STK38L: variants seen among roughly 807,000 people sequenced by gnomAD.
STK38L encodes the protein serine/threonine kinase 38 like, also known as serine/threonine-protein kinase 38-like.
A neutral mutation model predicts 59.7 loss-of-function variants in STK38L; 28 were observed. That is an observed-to-expected ratio of 0.47 (90% CI 0.35 to 0.64). The LOEUF (loss-of-function observed/expected upper bound fraction) is 0.64, where lower values mean the gene tolerates loss of function less well. Ranked by LOEUF, STK38L falls within the 30% of genes least tolerant of loss-of-function variation. The pLI is 0.01. For synonymous variants in STK38L, 162 were observed against 176.8 expected (o/e 0.92, Z 0.66); for missense variants, 314 against 555.8 (o/e 0.56, Z 4.37).
chr12:27,299,187 TACAGTTTAAATGAA>T (rs1944103542), intron 2 of STK38L, among the ~76,000 whole-genome samples: 1 of 152,216 alleles, frequency 6.6e-6, no homozygotes. Context: ...CTGAGAGTGG[TACAGTTTAAATGAA>T]ATAGAGAGGA....
At chr12:27,255,807 A>G (rs536675842) in intron 1 of STK38L, among the ~76,000 whole-genome samples, 1 of 152,136 alleles carries the variant, frequency 6.6e-6, no homozygotes, top group East Asian at 1.9e-4. Flanking sequence ...AAACCGGTAT[A>G]TCTTGCTCAG....
Position 27,308,095 on chromosome 12 carries a change from C to T in STK38L, c.187-244C>T, listed in dbSNP as rs199780145. ...CATATAGATGAAAGAATAAGTTATA[C>T]ATATATATATATATAGACAAATATG... is the stretch of plus-strand genomic sequence containing the variant. On this transcript the variant is annotated intron_variant, in intron 3 of 13. Transcript: ENST00000389032. This position sits in a 1 kb window ranked among gnomAD's most constrained non-coding sequence, Gnocchi z 4.5. Among the ~76,000 whole-genome samples, 2 of 149,930 alleles carry T rather than the reference C, an allele frequency of 1.3e-5. No individual in the cohort carries two copies. Among genetic ancestry groups the T allele is most frequent in the Non-Finnish European group, 3.0e-5 (2 of 67,504 alleles).
chr12:27,289,095 T>C (rs1943841680), intron 1 of STK38L, among the ~76,000 whole-genome samples: 1 of 152,212 alleles, frequency 6.6e-6, no homozygotes, highest in African/African-American at 2.4e-5. Context: ...TAACTATGAC[T>C]TGATTCAGCT....
intron 3 of STK38L, among the ~76,000 whole-genome samples, chr12:27,304,540 A>AT (rs1944262472): frequency 6.6e-6 from 1 of 152,148 alleles, no homozygotes; most frequent in Admixed American, 6.5e-5. Flanking sequence ...AAGCTCATTT[A>AT]TGTCCTTTAA....
intron 1 of STK38L, among the ~76,000 whole-genome samples, chr12:27,249,493 A>G (rs1942926614): frequency 6.6e-6 from 1 of 152,108 alleles, no homozygotes; most frequent in Non-Finnish European, 1.5e-5. Flanking sequence ...ACGCACCACC[A>G]TGCCTGGCTA....
intron 9 of STK38L, among the ~76,000 whole-genome samples, chr12:27,316,456 T>C (rs1294392568): frequency 6.6e-6 from 1 of 152,192 alleles, no homozygotes; most frequent in Non-Finnish European, 1.5e-5. Context: ...TTTATTATTC[T>C]CATGGCCAGT....
chr12:27,321,359 A>G lies in STK38L; in HGVS notation c.1176-784A>G, dbSNP rs542317640. On this transcript the variant is annotated intron_variant, in intron 12 of 13. Transcript: ENST00000389032. ...ATGACTGGTTTCTTTTTAACTGAGTATCTTTGATTCTCTTAAAATTTGTAT... is the reference window on the plus strand; with the variant it reads ...ATGACTGGTTTCTTTTTAACTGAGTGTCTTTGATTCTCTTAAAATTTGTAT... 2.6e-5 allele frequency among the ~76,000 whole-genome samples: 4 copies of G among 152,316 alleles called. No individual in the cohort carries two copies. In the South Asian group the frequency reaches 6.2e-4, roughly 24 times the overall value.
intron 1 of STK38L, among the ~76,000 whole-genome samples, chr12:27,290,360 A>G (rs1943870300): frequency 6.6e-6 from 1 of 152,198 alleles, no homozygotes. Context: ...TGCCACCATC[A>G]AAGCGTCATA....
At chr12:27,296,721 A>G (rs1005069840) in intron 1 of STK38L, among the ~76,000 whole-genome samples, 1 of 152,318 alleles carries the variant, frequency 6.6e-6, no homozygotes, top group Non-Finnish European at 1.5e-5. Context: ...TCTTTAATGT[A>G]TGAACTCTTC....
At chr12:27,293,728 T>C (rs2136635775) in intron 1 of STK38L, 1 of 152,374 alleles carries the variant, frequency 6.6e-6, no homozygotes, top group East Asian at 1.9e-4. Flanking sequence ...TCTGCAAGCA[T>C]AACTGTGAAC....
intron 1 of STK38L, among the ~76,000 whole-genome samples, chr12:27,254,383 G>A (rs1012355160): frequency 2.6e-5 from 4 of 152,128 alleles, no homozygotes; most frequent in African/African-American, 9.7e-5. Flanking sequence ...ACTTCAGATG[G>A]TGTCAAACAT....
chr12:27,247,933 G>C (rs1942891066), intron 1 of STK38L, among the ~76,000 whole-genome samples: 1 of 150,658 alleles, frequency 6.6e-6, no homozygotes, highest in Admixed American at 6.7e-5. Context: ...TCCCACCTCA[G>C]CCTCCTGAGT....
chr12:27,276,191 C>T (rs1943532736), intron 1 of STK38L, among the ~76,000 whole-genome samples: 1 of 152,066 alleles, frequency 6.6e-6, no homozygotes, highest in African/African-American at 2.4e-5. Context: ...GTTCTCAAAC[C>T]ATGACCAATC....
At chr12:27,245,363 T>G (rs1470996926) in intron 1 of STK38L, among the ~76,000 whole-genome samples, 1 of 152,208 alleles carries the variant, frequency 6.6e-6, no homozygotes, top group Non-Finnish European at 1.5e-5. Flanking sequence ...AAAAACAGCT[T>G]TAAGTGATTT....
intron 1 of STK38L, among the ~76,000 whole-genome samples, chr12:27,244,790 T>C (rs1436542703): frequency 6.6e-6 from 1 of 152,182 alleles, no homozygotes; most frequent in Admixed American, 6.5e-5. Flanking sequence ...TAAAAACTGA[T>C]GCGTCAGATT....
At chr12:27,313,448 C>CT (rs1944508018) in intron 6 of STK38L, among the ~76,000 whole-genome samples, 1 of 152,044 alleles carries the variant, frequency 6.6e-6, no homozygotes, top group African/African-American at 2.4e-5. Flanking sequence ...GTGGTGTGAT[C>CT]TTGGCTCACT....
chr12:27,258,609 G>GT (rs140634748), intron 1 of STK38L, among the ~76,000 whole-genome samples: 6,625 of 152,310 alleles, frequency 0.043, 492 homozygotes, highest in African/African-American at 0.15. Flanking sequence ...GATTATAGGC[G>GT]TGAGCCCCCG....
chr12:27,303,604 T>C (rs980564682), intron 3 of STK38L, among the ~76,000 whole-genome samples: 3 of 152,204 alleles, frequency 2.0e-5, no homozygotes, highest in Non-Finnish European at 4.4e-5. Flanking sequence ...AGTTTTAGAT[T>C]AGGAGAGGGA....
At chr12:27,272,122 A>T (rs1943436825) in intron 1 of STK38L, among the ~76,000 whole-genome samples, 1 of 152,214 alleles carries the variant, frequency 6.6e-6, no homozygotes, top group African/African-American at 2.4e-5. Context: ...CTATTTTTAG[A>T]TAGAGTTTTC....
Sources: allele counts gnomAD v4.1 joint callset (sites outside exome capture counted in the v4.1 genomes callset), GRCh38; gene constraint gnomAD v4.1.1; non-coding constraint Gnocchi (gnomAD v3.1); transcripts MANE v1.5; gene names NCBI Gene and HGNC (gene_info 2026-07-23, HGNC 2026-07-21).